Variants in PDE6B observed in about 807,000 individuals in gnomAD.
PDE6B encodes rod cGMP-specific 3',5'-cyclic phosphodiesterase subunit beta.
PDE6B carries 106 observed loss-of-function variants against 109.0 expected under a neutral mutation model. That is an observed-to-expected ratio of 0.97 (90% CI 0.83 to 1.14). The LOEUF is 1.14. Among genes scored for constraint, PDE6B ranks in the 50% most tolerant of loss-of-function variants. The pLI is 0.00. For synonymous variants in PDE6B, 490 were observed against 471.3 expected (o/e 1.04, Z -0.51); for missense variants, 1,193 against 1,155.6 (o/e 1.03, Z -0.47).
At chr4:638,737 G>T (rs1279877467) in intron 3 of PDE6B, among the ~76,000 whole-genome samples, 1 of 152,162 alleles carries the variant, frequency 6.6e-6, no homozygotes, top group Non-Finnish European at 1.5e-5. Context: ...AGTAATGAGG[G>T]GTCCTCGTTA....
rs1315096032 is a variant in PDE6B, at chr4:666,256, C to T, written c.2269-275C>T. Among the ~76,000 whole-genome samples the T allele has an allele frequency of 6.6e-6, 1 of 152,136 alleles. No individual in the cohort carries two copies. Among genetic ancestry groups the T allele is most frequent in the Non-Finnish European group, 1.5e-5 (1 of 68,008 alleles). On this transcript the variant is annotated intron_variant, in intron 19 of 21. Coordinates refer to ENST00000496514, the MANE Select transcript of PDE6B (RefSeq NM_000283.4). This position sits in a 1 kb window ranked among gnomAD's most constrained non-coding sequence, Gnocchi z 5.6. The stretch of plus-strand genomic sequence containing the variant: ...GCCTCTCCCCAGCTGCAGTAAGGGT[C>T]CCCAGAGCCAAGAGGGGGCTGCCCT...
rs369995075 is a variant in PDE6B, at chr4:654,129, C to T, written c.902C>T (p.Ser301Leu). 7.4e-6 allele frequency: 12 copies of T among 1,613,832 alleles called. No individual in the cohort carries two copies. The highest frequency in any genetic ancestry group is 2.2e-5 in the East Asian group (1 of 44,886). The stretch of plus-strand genomic sequence containing the variant: ...CTGATGGGAGAGTCCCAGCCGTACT[C>T]GGGCCCACGCACGCCTGATGGCCGG... The part of the protein sequence containing the change: ...SVLMGESQPY[S>L]GPRTPDGREI... Residue 301 changes from serine to leucine, a missense_variant, in exon 5 of 22, where the codon TCG (serine) becomes TTG (leucine). By Grantham distance (145) the Ser-to-Leu change is moderately radical (BLOSUM62 -2). Coordinates refer to ENST00000496514, the MANE Select transcript of PDE6B (RefSeq NM_000283.4).
rs757975506 is a variant in PDE6B at position 665,207 on chromosome 4, C to G, written c.2194-48C>G. 3 of 1,439,744 alleles carry G rather than the reference C, an allele frequency of 2.1e-6. No individual in the cohort carries two copies. The highest frequency in any genetic ancestry group is 4.6e-5 in the East Asian group (2 of 43,752). The allele number at this position is 1,439,744 out of a possible 1,614,324, so 89.2% of individuals were successfully genotyped here. On this transcript the variant is annotated intron_variant, in intron 18 of 21. Coordinates refer to ENST00000496514, the MANE Select transcript of PDE6B (RefSeq NM_000283.4). The surrounding 1 kb of genome is among the most constrained non-coding windows in gnomAD (Gnocchi z 4.0). ...CCTCACGGGGCGGGCCCGGGCCCTT[C>G]CGCGTGGGCTCAGAGCTCCACAGAC... is the stretch of plus-strand genomic sequence containing the variant.
chr4:644,153 G>A lies in PDE6B; in HGVS notation c.711+8184G>A, dbSNP rs992780413. Among the ~76,000 whole-genome samples, 8 of 151,736 alleles carry A rather than the reference G, an allele frequency of 5.3e-5. 1 individual carries two copies. The South Asian group carries it at 8.3e-4, about 16-fold the overall frequency. ...AGGATGGTCTCGATCTCTCGACCTC[G>A]TGATCTGCCCGCCTCGGCCTCCCAA... On this transcript the variant is annotated intron_variant, in intron 3 of 21. Transcript: ENST00000496514.
chr4:663,851 G>A lies in PDE6B; in HGVS notation c.2002G>A (p.Asp668Asn). The change falls in exon 16 of 22, where the codon GAC becomes AAC. Residue 668 changes from aspartate (D) to asparagine (N), a missense_variant. Physicochemically the swap from Asp to Asn is conservative, Grantham distance 23 (BLOSUM62 1). Transcript: ENST00000496514. The surrounding 1 kb of genome is among the most constrained non-coding windows in gnomAD (Gnocchi z 4.0). ...GATGGACATCGCCATCATCGCCACG[G>A]ACCTGGCCCTGTACTTCAAGTGCGC... ...HLMDIAIIAT[D>N]LALYFKKRAM... The A allele has an allele frequency of 1.2e-6, 2 of 1,611,754 alleles. No individual in the cohort carries two copies. Among genetic ancestry groups the A allele is most frequent in the Non-Finnish European group, 1.7e-6 (2 of 1,178,996 alleles).
chr4:654,909 G>A (rs374365962), intron 6 of PDE6B, 21 bp downstream of exon 6: 441 of 1,397,198 alleles, frequency 3.2e-4, no homozygotes, highest in Non-Finnish European at 3.8e-4. Flanking sequence ...GATTTTACCA[G>A]AAGCGTCCCC....
chr4:642,762 G>A (rs1167138655), intron 3 of PDE6B, among the ~76,000 whole-genome samples: 2 of 129,724 alleles, frequency 1.5e-5, no homozygotes, highest in Non-Finnish European at 3.2e-5. Context: ...AATGCCCTTA[G>A]CTCTAGGGTT....
intron 3 of PDE6B, among the ~76,000 whole-genome samples, chr4:641,612 C>T (rs1210933528): frequency 6.6e-6 from 1 of 152,190 alleles, no homozygotes; most frequent in African/African-American, 2.4e-5. Context: ...GACCACAGCC[C>T]CGCACACAGC....
At chr4:659,447 GTGTC>G (rs1456380833) in intron 11 of PDE6B, among the ~76,000 whole-genome samples, 1 of 152,204 alleles carries the variant, frequency 6.6e-6, no homozygotes, top group African/African-American at 2.4e-5. Flanking sequence ...ACGCACATGG[GTGTC>G]TGTGTGCATG....
At chr4:646,628 G>A (rs927334584) in intron 3 of PDE6B, among the ~76,000 whole-genome samples, 2 of 152,050 alleles carry the variant, frequency 1.3e-5, no homozygotes, top group African/African-American at 4.8e-5. Flanking sequence ...TGCTCCGCTC[G>A]CTCCGCTCGT....
rs1162196055 is a variant in PDE6B at position 670,561 on chromosome 4, C to T, written c.*454C>T. On this transcript the variant is annotated 3_prime_UTR_variant, in exon 22 of 22. Transcript: ENST00000496514. ...CCAGCCTGTTTTTATAAACTGAAGC[C>T]AACTGTGAATAAACTGTAGCCTACA... is the stretch of plus-strand genomic sequence containing the variant. 1 of 224,086 alleles carries T rather than the reference C, an allele frequency of 4.5e-6. No homozygotes were observed. The highest frequency in any genetic ancestry group is 9.0e-6 in the Non-Finnish European group (1 of 110,666). The allele number at this position is 224,086 out of a possible 1,614,324, so 13.9% of individuals were successfully genotyped here.
At position 665,078 on chromosome 4, in the gene PDE6B, G is replaced by A. The variant is rs920131075; in HGVS notation, c.2193+134G>A. 2.3e-6 allele frequency: 2 copies of A among 857,958 alleles called. No homozygotes were observed. Among genetic ancestry groups the A allele is most frequent in the Non-Finnish European group, 3.9e-6 (2 of 509,840 alleles). The allele number at this position is 857,958 out of a possible 1,614,324, so 53.1% of individuals were successfully genotyped here. A position where few individuals can be genotyped will look rare whatever the true frequency, so the allele number is the denominator to read the frequency against. ...TGAGGGCCACCTCGGGGCCAGGCCA[G>A]GGCGGCAAGGATGGGGGTACTGCAG... is the stretch of plus-strand genomic sequence containing the variant. On this transcript the variant is annotated intron_variant, in intron 18 of 21. Transcript: ENST00000496514. This position sits in a 1 kb window ranked among gnomAD's most constrained non-coding sequence, Gnocchi z 4.0.
intron 6 of PDE6B, 132 bp from the exon 7 acceptor site, chr4:655,806 CTG>C (rs1330116504): frequency 8.1e-6 from 6 of 736,816 alleles, no homozygotes; most frequent in African/African-American, 5.2e-5. Context: ...ACCAGCCCCT[CTG>C]ACCCCTGCAC....
At chr4:653,109 C>T in intron 3 of PDE6B, 3 of 932,472 alleles carry the variant, frequency 3.2e-6, no homozygotes, top group Non-Finnish European at 3.8e-6. Flanking sequence ...GGTCCTGTTC[C>T]CACCATGAGC....
chr4:649,367 G>T (rs938481981), intron 3 of PDE6B, among the ~76,000 whole-genome samples: 1 of 152,106 alleles, frequency 6.6e-6, no homozygotes, highest in Non-Finnish European at 1.5e-5. Flanking sequence ...CTGATGCCAG[G>T]ACACACACTA....
At chr4:639,070 G>T (rs185369475) in intron 3 of PDE6B, among the ~76,000 whole-genome samples, 1 of 152,142 alleles carries the variant, frequency 6.6e-6, no homozygotes, top group African/African-American at 2.4e-5. Flanking sequence ...TAGGAAACAC[G>T]TGCAAAGATT....
rs1006827106 is a variant in PDE6B, at chr4:657,476, C to T, written c.1383C>T (p.Asp461=). Residue 461 remains aspartate, a synonymous_variant, in exon 10 of 22, where the codon GAC becomes GAT. Coordinates refer to ENST00000496514, the MANE Select transcript of PDE6B (RefSeq NM_000283.4). The part of the protein sequence containing the change: ...MVLYHVKCDR[D]EIQLILPTRA... Reference sequence around the variant, plus strand: ...TTTACCACGTGAAGTGCGACAGGGACGAGATCCAGCTCATCCTGGTGCGGC... The same window carrying T: ...TTTACCACGTGAAGTGCGACAGGGATGAGATCCAGCTCATCCTGGTGCGGC... 45 of 1,613,094 alleles carry T rather than the reference C, an allele frequency of 2.8e-5. 1 individual carries two copies. Among genetic ancestry groups the T allele is most frequent in the African/African-American group, 1.1e-4 (8 of 74,920 alleles).
Position 663,801 on chromosome 4 carries a change from G to A in PDE6B, c.1952G>A (p.Arg651Gln), listed in dbSNP as rs138626553. ...AACATCTACCAGAACCTGAACCGGC[G>A]GCAGCACGAGCACGTGATCCACCTG... is the stretch of plus-strand genomic sequence containing the variant. The part of the protein sequence containing the change: ...TLNIYQNLNR[R>Q]QHEHVIHLMD... The change falls in exon 16 of 22, where the codon CGG becomes CAG. Residue 651 changes from arginine to glutamine, a missense_variant. Physicochemically the swap from Arg to Gln is conservative, Grantham distance 43. Coordinates refer to ENST00000496514, the MANE Select transcript of PDE6B (RefSeq NM_000283.4). This position sits in a 1 kb window ranked among gnomAD's most constrained non-coding sequence, Gnocchi z 4.0. 3.2e-5 allele frequency: 52 copies of A among 1,612,212 alleles called. 1 individual carries two copies. The highest frequency in any genetic ancestry group is 4.0e-5 in the African/African-American group (3 of 74,920).
chr4:639,947 G>T (rs143607841), intron 3 of PDE6B, among the ~76,000 whole-genome samples: 1 of 152,032 alleles, frequency 6.6e-6, no homozygotes, highest in Non-Finnish European at 1.5e-5. Flanking sequence ...GCAGTGAGCC[G>T]AGATCACCCC....
Sources: allele counts gnomAD v4.1 joint callset (sites outside exome capture counted in the v4.1 genomes callset), GRCh38; gene constraint gnomAD v4.1.1; non-coding constraint Gnocchi (gnomAD v3.1); transcripts MANE v1.5; gene names NCBI Gene and HGNC (gene_info 2026-07-23, HGNC 2026-07-21).